ALX4: variants seen among roughly 807,000 people sequenced by gnomAD.
ALX4 encodes the protein homeobox protein aristaless-like 4.
Under a neutral mutation model 40.6 loss-of-function variants are expected in ALX4, and 22 were observed. The ratio of observed to expected loss-of-function variants is 0.54; its 90% CI spans 0.39 to 0.77. ALX4 has a LOEUF of 0.77. Ranked by LOEUF, ALX4 falls within the 30% of genes least tolerant of loss-of-function variation. The pLI, the probability that ALX4 is intolerant of heterozygous loss-of-function variation, is 0.00. For missense variants in ALX4, 556 were observed against 564.8 expected, an observed-to-expected ratio of 0.98 and a Z score of 0.16; for synonymous variants, 266 against 240.5, an observed-to-expected ratio of 1.11 and a Z score of -0.98.
At chr11:44,306,095 G>A (rs906104562) in intron 1 of ALX4, among the ~76,000 whole-genome samples, 1 of 152,232 alleles carries the variant, frequency 6.6e-6, no homozygotes, top group Non-Finnish European at 1.5e-5. Context: ...GAATTCAGGA[G>A]GCCAAAGAGC....
rs766253750 is a variant in ALX4 at position 44,267,632 on chromosome 11, G to T, written c.778-10C>A. 6.2e-7 allele frequency: 1 copy of T among 1,613,970 alleles called. No individual in the cohort carries two copies. The highest frequency in any genetic ancestry group is 1.3e-5 in the African/African-American group (1 of 74,924). On this transcript the variant is annotated splice_polypyrimidine_tract_variant and intron_variant, in intron 2 of 3. Coordinates refer to ENST00000652299, the MANE Select transcript of ALX4 (RefSeq NM_021926.4). ...GGTTCTGGAACCAGACCTACAAGAC[G>T]CGAAAAAGCCATTGTCACCAGGGTG...
At chr11:44,287,169 T>A (rs1318179916) in intron 1 of ALX4, among the ~76,000 whole-genome samples, 1 of 152,210 alleles carries the variant, frequency 6.6e-6, no homozygotes. Context: ...ACAGAAGCTC[T>A]CTCAGTTCTT....
At chr11:44,304,743 A>C (rs1447297781) in intron 1 of ALX4, among the ~76,000 whole-genome samples, 1 of 152,238 alleles carries the variant, frequency 6.6e-6, no homozygotes, top group Non-Finnish European at 1.5e-5. Context: ...GCTGAGACCG[A>C]GAAGAAGGGA....
intron 2 of ALX4, among the ~76,000 whole-genome samples, chr11:44,269,571 T>G (rs7935322): frequency 1.3e-5 from 2 of 152,142 alleles, no homozygotes; most frequent in Non-Finnish European, 2.9e-5. Flanking sequence ...TGCACACACA[T>G]TGACTGGGGG....
chr11:44,289,283 C>G (rs530037292), intron 1 of ALX4, among the ~76,000 whole-genome samples: 1 of 152,302 alleles, frequency 6.6e-6, no homozygotes, highest in Non-Finnish European at 1.5e-5. Context: ...CCCCTCACCC[C>G]AAATAGGGCA....
At position 44,275,597 on chromosome 11, in the gene ALX4, G is replaced by C. The variant is rs376287400; in HGVS notation, c.528C>G (p.Asp176Glu). The C allele has an allele frequency of 1.2e-6, 2 of 1,613,938 alleles. No individual in the cohort carries two copies. The highest frequency in any genetic ancestry group is 8.5e-7 in the Non-Finnish European group (1 of 1,179,956). Residue 176 changes from aspartate to glutamate, a missense_variant, in exon 2 of 4, where the codon GAC (aspartate) becomes GAG (glutamate). Coordinates refer to ENST00000652299, the MANE Select transcript of ALX4 (RefSeq NM_021926.4). ...LPPDSDTVGMDSSYLSVKEAG... is the reference protein window; with the variant it reads ...LPPDSDTVGMESSYLSVKEAG... Reference sequence around the variant, plus strand: ...CCTCCTTGACACTCAGGTAGCTGCTGTCCATCCCCACAGTGTCAGAGTCAG... The same window carrying C: ...CCTCCTTGACACTCAGGTAGCTGCTCTCCATCCCCACAGTGTCAGAGTCAG...
intron 1 of ALX4, among the ~76,000 whole-genome samples, chr11:44,304,146 C>T (rs988960601): frequency 3.3e-5 from 5 of 152,252 alleles, no homozygotes; most frequent in Non-Finnish European, 7.3e-5. Context: ...ACGGTATCAT[C>T]ACATAGCCGG....
At chr11:44,291,275 T>C (rs1469167116) in intron 1 of ALX4, among the ~76,000 whole-genome samples, 4 of 152,234 alleles carry the variant, frequency 2.6e-5, no homozygotes, top group Non-Finnish European at 4.4e-5. Context: ...CCTCTGCCTT[T>C]AGACTGTGCC....
rs1343736246 is a variant in ALX4, at chr11:44,264,453, G to C, written c.*401C>G. On this transcript the variant is annotated 3_prime_UTR_variant, in exon 4 of 4. Coordinates refer to ENST00000652299, the MANE Select transcript of ALX4 (RefSeq NM_021926.4). ...CAGGGGACCCCACTAGGAGCGGGAA[G>C]GATGGACAAGACTGGGCTGGTGAGG... 2 of 219,744 alleles carry C rather than the reference G, an allele frequency of 9.1e-6. No homozygotes were observed. Among genetic ancestry groups the C allele is most frequent in the Non-Finnish European group, 1.8e-5 (2 of 110,330 alleles). The allele number at this position is 219,744 out of a possible 1,614,324, so 13.6% of individuals were successfully genotyped here.
intron 1 of ALX4, among the ~76,000 whole-genome samples, chr11:44,302,576 G>A (rs942277028): frequency 6.6e-6 from 1 of 152,236 alleles, no homozygotes; most frequent in African/African-American, 2.4e-5. Context: ...CCCAGGGAAG[G>A]TGCTCCATAA....
intron 2 of ALX4, among the ~76,000 whole-genome samples, chr11:44,272,940 T>C (rs1956257280): frequency 6.6e-6 from 1 of 152,216 alleles, no homozygotes; most frequent in Non-Finnish European, 1.5e-5. Context: ...TGATAACCAC[T>C]AGTCCTTTTC....
rs1314937167 is a variant in ALX4 at position 44,310,089 on chromosome 11, G to A, written c.-27C>T. The stretch of plus-strand genomic sequence containing the variant: ...CCTGGCTTGCGCAGGCGGCGGGCGG[G>A]GACGCGAGCGAGGGCGCGAGGACGC... On this transcript the variant is annotated 5_prime_UTR_variant, in exon 1 of 4. Coordinates refer to ENST00000652299, the MANE Select transcript of ALX4 (RefSeq NM_021926.4). 1 of 1,558,226 alleles carries A rather than the reference G, an allele frequency of 6.4e-7. No individual in the cohort carries two copies. Among genetic ancestry groups the A allele is most frequent in the Non-Finnish European group, 8.7e-7 (1 of 1,149,678 alleles).
chr11:44,293,180 C>CAGGGAGGG lies in ALX4; in HGVS notation c.466+16409_466+16416dup, dbSNP rs1191152460. Among the ~76,000 whole-genome samples, 31 of 103,448 alleles carry CAGGGAGGG rather than the reference C, an allele frequency of 3.0e-4. 3 individuals are homozygous for CAGGGAGGG. Among genetic ancestry groups the CAGGGAGGG allele is most frequent in the Non-Finnish European group, 3.9e-4 (21 of 53,674 alleles). The allele number at this position is 103,448 out of a possible 152,430, so 67.9% of individuals were successfully genotyped here. A position where few individuals can be genotyped will look rare whatever the true frequency, so the allele number is the denominator to read the frequency against. On this transcript the variant is annotated intron_variant, in intron 1 of 3. Coordinates refer to ENST00000652299, the MANE Select transcript of ALX4 (RefSeq NM_021926.4). ...GGAAGGAAGGAAGGAAGCAGGCAGG[C>CAGGGAGGG]AGGGAGGGAGGGAGGGAGGGAGGGA...
intron 2 of ALX4, 70 bp downstream of exon 2, chr11:44,275,278 C>G (rs11037927): frequency 6.5e-7 from 1 of 1,550,294 alleles, no homozygotes. Context: ...TCAGGAGACC[C>G]CAACTGCAGC....
chr11:44,286,013 TG>T (rs1373059629), intron 1 of ALX4, among the ~76,000 whole-genome samples: 2 of 152,252 alleles, frequency 1.3e-5, no homozygotes, highest in Admixed American at 1.3e-4. Context: ...GGGCTCCTTC[TG>T]CCTCTGGTTT....
chr11:44,301,419 C>A (rs1022798283), intron 1 of ALX4, among the ~76,000 whole-genome samples: 1 of 152,152 alleles, frequency 6.6e-6, no homozygotes, highest in Admixed American at 6.5e-5. Flanking sequence ...GAAAAGAAAA[C>A]CCAGCTTGGG....
chr11:44,270,337 A>G (rs567474772), intron 2 of ALX4, among the ~76,000 whole-genome samples: 1 of 148,094 alleles, frequency 6.8e-6, no homozygotes, highest in South Asian at 2.1e-4. Flanking sequence ...GAAGATGGAA[A>G]TGGTGAGAGG....
At chr11:44,293,168 G>C (rs905029945) in intron 1 of ALX4, among the ~76,000 whole-genome samples, 741 of 9,400 alleles carry the variant, frequency 0.079, 97 homozygotes, top group Middle Eastern at 0.15. Flanking sequence ...AGGAAGGAAG[G>C]AAGCAGGCAG....
At chr11:44,296,378 C>T (rs1028657602) in intron 1 of ALX4, among the ~76,000 whole-genome samples, 21 of 152,156 alleles carry the variant, frequency 1.4e-4, no homozygotes, top group Non-Finnish European at 2.4e-4. Context: ...CGAAAATCCT[C>T]CTGACACTGG....
Sources: allele counts gnomAD v4.1 joint callset (sites outside exome capture counted in the v4.1 genomes callset), GRCh38; gene constraint gnomAD v4.1.1; transcripts MANE v1.5; gene names NCBI Gene and HGNC (gene_info 2026-07-23, HGNC 2026-07-21).